Variants in CD46 observed in about 807,000 individuals in gnomAD.
CD46 encodes CD46 molecule.
A neutral mutation model predicts 53.3 loss-of-function variants in CD46; 30 were observed. The observed-to-expected ratio is 0.56, with a 90% CI of 0.42 to 0.76. The LOEUF (loss-of-function observed/expected upper bound fraction) is 0.76, where lower values mean the gene tolerates loss of function less well. Ranked by LOEUF, CD46 falls within the 30% of genes least tolerant of loss-of-function variation. CD46 has a pLI of 0.00. For synonymous variants in CD46, 142 were observed against 152.0 expected (o/e 0.93, Z 0.48); for missense variants, 409 against 463.0 (o/e 0.88, Z 1.07).
intron 8 of CD46, 37 bp downstream of exon 8, chr1:207,770,399 AT>A (rs2102613045): frequency 7.4e-7 from 1 of 1,356,716 alleles, no homozygotes; most frequent in East Asian, 2.3e-5. Flanking sequence ...ATTGTTAAGA[AT>A]TTATTTATTT....
chr1:207,767,927 A>G, intron 7 of CD46, 104 bp downstream of exon 7: 1 of 930,266 alleles, frequency 1.1e-6, no homozygotes, highest in Non-Finnish European at 1.8e-6. Flanking sequence ...ATTTTTAGTA[A>G]TGAAAGGAGG....
At position 207,767,054 on chromosome 1, in the gene CD46, A is replaced by G. The variant is rs557590325; in HGVS notation, c.715A>G (p.Ile239Val). 9.3e-6 allele frequency: 15 copies of G among 1,613,842 alleles called. No individual in the cohort carries two copies. The Admixed American group carries it at 1.7e-4, about 18-fold the overall frequency. Residue 239 changes from isoleucine to valine, a missense_variant, in exon 6 of 13, where the codon ATA becomes GTA. Physicochemically the swap from Ile to Val is conservative, Grantham distance 29. Coordinates refer to ENST00000367042, the MANE Select transcript of CD46 (RefSeq NM_172351.3). ...RFPVVENGKQ[I>V]SGFGKKFYYK... ...TCCAGTAGTCGAAAATGGAAAACAG[A>G]TATCAGGATTTGGAAAAAAATTTTA...
chr1:207,776,188 G>C (rs1165674208), intron 8 of CD46, among the ~76,000 whole-genome samples: 1 of 152,228 alleles, frequency 6.6e-6, no homozygotes, highest in Non-Finnish European at 1.5e-5. Flanking sequence ...CCATGCACAG[G>C]AGGGTATCTC....
intron 8 of CD46, among the ~76,000 whole-genome samples, chr1:207,773,256 A>T (rs959909359): frequency 1.3e-5 from 2 of 151,974 alleles, no homozygotes; most frequent in African/African-American, 4.8e-5. Flanking sequence ...CCCCTTTATC[A>T]TTTTTTATTG....
chr1:207,793,363 C>A (rs1449068633), intron 12 of CD46, among the ~76,000 whole-genome samples, 156 bp from the exon 13 acceptor site: 1 of 152,138 alleles, frequency 6.6e-6, no homozygotes, highest in African/African-American at 2.4e-5. Context: ...ACCAGTTGAA[C>A]ATTTGAAATT....
chr1:207,785,248 G>C (rs1216083049), intron 10 of CD46, 142 bp downstream of exon 10: 4 of 693,586 alleles, frequency 5.8e-6, no homozygotes, highest in Non-Finnish European at 7.7e-6. Context: ...CTTTTTATTT[G>C]ATATACTTAA....
rs41317961 is a variant in CD46, at chr1:207,781,262, CTT to C, written c.944-2027_944-2026del. Among the ~76,000 whole-genome samples the C allele has an allele frequency of 3.4e-3, 521 of 151,054 alleles. 3 individuals are homozygous for C. Among genetic ancestry groups the C allele is most frequent in the African/African-American group, 0.012 (481 of 41,080 alleles). The stretch of plus-strand genomic sequence containing the variant: ...TCTTTAGAGAAACATCTTTTTAAGT[CTT>C]TTGCCCATTTTCAAGTTGGGTTGAC... On this transcript the variant is annotated intron_variant, in intron 8 of 12. Transcript: ENST00000367042.
chr1:207,762,220 A>G (rs994120267), intron 5 of CD46, among the ~76,000 whole-genome samples: 3 of 152,250 alleles, frequency 2.0e-5, no homozygotes, highest in African/African-American at 7.2e-5. Flanking sequence ...GAATTGAATA[A>G]AAACACAACA....
chr1:207,754,385 A>AC (rs530959278), intron 1 of CD46, among the ~76,000 whole-genome samples: 113 of 149,836 alleles, frequency 7.5e-4, no homozygotes, highest in Non-Finnish European at 1.5e-3. Flanking sequence ...CCACCTCGCG[A>AC]CCCCCCCATC....
rs181108670 is a variant in CD46, at chr1:207,755,530, A to T, written c.98-1484A>T. ...GATAGTTGAAGGAAACATGTATCAA[A>T]TTTCAGGCCAGTCTCATTCCTCCAG... On this transcript the variant is annotated intron_variant, in intron 1 of 12. Transcript: ENST00000367042. 1.1e-4 allele frequency among the ~76,000 whole-genome samples: 16 copies of T among 152,338 alleles called. No homozygotes were observed. In the East Asian group the frequency reaches 1.9e-3, roughly 18 times the overall value.
intron 5 of CD46, among the ~76,000 whole-genome samples, chr1:207,766,212 T>C (rs562956354): frequency 6.6e-6 from 1 of 152,282 alleles, no homozygotes; most frequent in African/African-American, 2.4e-5. Flanking sequence ...TTTCTGTATC[T>C]TTACTATGGT....
At chr1:207,787,688 G>A (rs575344548) in intron 11 of CD46, among the ~76,000 whole-genome samples, 21 of 152,276 alleles carry the variant, frequency 1.4e-4, no homozygotes, top group Admixed American at 2.0e-4. Flanking sequence ...TATAAACTGC[G>A]TGGGAATCTT....
intron 6 of CD46, 24 bp from the exon 7 acceptor site, chr1:207,767,755 C>G (rs1472394317): frequency 1.2e-6 from 2 of 1,609,384 alleles, no homozygotes. Context: ...TTGGTCCAAT[C>G]TACATTATTA....
intron 8 of CD46, among the ~76,000 whole-genome samples, chr1:207,772,018 C>T (rs1015160159): frequency 2.6e-5 from 4 of 152,148 alleles, no homozygotes; most frequent in Non-Finnish European, 4.4e-5. Context: ...ATTGATTCTT[C>T]CTATCCATGA....
chr1:207,753,440 C>A (rs1571565567), intron 1 of CD46, among the ~76,000 whole-genome samples: 1 of 152,220 alleles, frequency 6.6e-6, no homozygotes, highest in South Asian at 2.1e-4. Flanking sequence ...GAGGCCCAGG[C>A]GGGGTGATTG....
Position 207,752,055 on chromosome 1 carries a change from C to G in CD46, c.-158C>G. The G allele has an allele frequency of 1.3e-6, 1 of 781,090 alleles. No individual in the cohort carries two copies. The highest frequency in any genetic ancestry group is 2.2e-6 in the Non-Finnish European group (1 of 452,970). The allele number at this position is 781,090 out of a possible 1,614,324, so 48.4% of individuals were successfully genotyped here. ...ACTCGACGCACTTCCGCCCCGGGCG[C>G]GGCTCGGGCCACGCCCACCTGTCCT... On this transcript the variant is annotated 5_prime_UTR_variant, in exon 1 of 13. Coordinates refer to ENST00000367042, the MANE Select transcript of CD46 (RefSeq NM_172351.3). This position sits in a 1 kb window ranked among gnomAD's most constrained non-coding sequence, Gnocchi z 4.1.
At chr1:207,757,419 A>G (rs1655682077) in intron 2 of CD46, 121 bp from the exon 3 acceptor site, 3 of 794,788 alleles carry the variant, frequency 3.8e-6, no homozygotes, top group South Asian at 3.0e-5. Flanking sequence ...GTTTGCCCTT[A>G]TAATAAGTAA....
chr1:207,785,561 T>A, intron 10 of CD46, 58 bp from the exon 11 acceptor site: 1 of 1,184,666 alleles, frequency 8.4e-7, no homozygotes, highest in East Asian at 2.3e-5. Context: ...TGCTAGATGT[T>A]GAATCTTGGT....
chr1:207,761,163 T>C (rs796636912), intron 4 of CD46, 86 bp from the exon 5 acceptor site: 8 of 833,190 alleles, frequency 9.6e-6, no homozygotes, highest in South Asian at 3.0e-5. Flanking sequence ...AAACCCTATA[T>C]TGACAAATTT....
Sources: gnomAD v4.1 joint callset for allele counts (sites outside exome capture counted in the v4.1 genomes callset) on GRCh38, gnomAD v4.1.1 for gene constraint, Gnocchi (gnomAD v3.1) non-coding constraint, MANE v1.5 for transcripts, NCBI Gene and HGNC (gene_info 2026-07-23, HGNC 2026-07-21) for gene names.